Variants in AGMO observed in about 807,000 individuals in gnomAD.
AGMO encodes alkylglycerol monooxygenase, also known as glyceryl-ether monooxygenase.
In AGMO, 75 loss-of-function variants were observed where a neutral mutation model predicts 60.2. That is an observed-to-expected ratio of 1.25 (90% CI 1.03 to 1.51). The LOEUF (loss-of-function observed/expected upper bound fraction) is 1.51. AGMO is among the 40% of genes most tolerant of loss of function. AGMO has a pLI of 0.00. For missense variants in AGMO, 763 were observed against 525.5 expected (o/e 1.45, Z -4.42); for synonymous variants, 261 against 177.1 (o/e 1.47, Z -3.76).
At chr7:15,500,218 GA>G (rs1783345300) in intron 3 of AGMO, among the ~76,000 whole-genome samples, 1 of 151,792 alleles carries the variant, frequency 6.6e-6, no homozygotes, top group Non-Finnish European at 1.5e-5. Context: ...ACATACTAGA[GA>G]AGTCTTATTT....
intron 12 of AGMO, among the ~76,000 whole-genome samples, chr7:15,355,446 T>A (rs1782490987): frequency 7.7e-6 from 1 of 130,120 alleles, no homozygotes; most frequent in Non-Finnish European, 1.5e-5. Flanking sequence ...GAGCTTGCAG[T>A]GAGCCCAGAT....
chr7:15,312,542 G>T (rs1780797416), intron 12 of AGMO, among the ~76,000 whole-genome samples: 1 of 150,950 alleles, frequency 6.6e-6, no homozygotes. Context: ...CATGGCGGGG[G>T]CGGTGGGGGG....
At chr7:15,315,419 C>A (rs1220385643) in intron 12 of AGMO, among the ~76,000 whole-genome samples, 4 of 128,976 alleles carry the variant, frequency 3.1e-5, no homozygotes, top group Non-Finnish European at 6.3e-5. Flanking sequence ...CTAACTGCAA[C>A]CTCCGATTCC....
chr7:15,358,793 T>A (rs1412347744), intron 12 of AGMO, among the ~76,000 whole-genome samples: 4 of 152,094 alleles, frequency 2.6e-5, no homozygotes, highest in Non-Finnish European at 5.9e-5. Context: ...CCTCTCTGAG[T>A]TTTAGGTCTG....
intron 12 of AGMO, among the ~76,000 whole-genome samples, chr7:15,356,592 T>C (rs1782538227): frequency 6.6e-6 from 1 of 152,050 alleles, no homozygotes; most frequent in Non-Finnish European, 1.5e-5. Flanking sequence ...AACTGTTCTA[T>C]CTGTGGAAAT....
intron 12 of AGMO, among the ~76,000 whole-genome samples, chr7:15,232,850 C>G (rs893908573): frequency 6.8e-6 from 1 of 147,260 alleles, no homozygotes; most frequent in Non-Finnish European, 1.5e-5. Flanking sequence ...AAAACTCCAT[C>G]TGGTTTAAGC....
At chr7:15,389,418 G>T (rs976850284) in intron 8 of AGMO, among the ~76,000 whole-genome samples, 5 of 152,088 alleles carry the variant, frequency 3.3e-5, no homozygotes, top group Admixed American at 1.3e-4. Flanking sequence ...TATTAAGAAA[G>T]GATCCAAAAT....
chr7:15,381,730 A>G (rs1221227878), intron 10 of AGMO, among the ~76,000 whole-genome samples: 7 of 152,194 alleles, frequency 4.6e-5, no homozygotes, highest in Non-Finnish European at 7.3e-5. Context: ...ACATATGTTC[A>G]CTGAAACACT....
At chr7:15,408,970 AAGAAG>A (rs148187391) in intron 5 of AGMO, among the ~76,000 whole-genome samples, 6,314 of 151,896 alleles carry the variant, frequency 0.042, 150 homozygotes, top group Admixed American at 0.049. Context: ...AAAATATGAA[AAGAAG>A]AGAAAATGCA....
intron 3 of AGMO, among the ~76,000 whole-genome samples, chr7:15,488,576 A>C (rs1177765678): frequency 1.3e-5 from 2 of 152,166 alleles, no homozygotes; most frequent in Non-Finnish European, 2.9e-5. Context: ...ATAGGGAATT[A>C]TTGGGCTTTG....
At chr7:15,370,164 C>G (rs1377848810) in intron 10 of AGMO, among the ~76,000 whole-genome samples, 1 of 152,130 alleles carries the variant, frequency 6.6e-6, no homozygotes, top group Non-Finnish European at 1.5e-5. Flanking sequence ...ATTTGGTTTT[C>G]TGCTCCTGCA....
At chr7:15,392,351 G>T (rs1444027070) in intron 6 of AGMO, among the ~76,000 whole-genome samples, 1 of 152,052 alleles carries the variant, frequency 6.6e-6, no homozygotes, top group Non-Finnish European at 1.5e-5. Flanking sequence ...GATTACAGGC[G>T]TGAGTCAACA....
At chr7:15,467,466 C>G (rs1782324517) in intron 3 of AGMO, among the ~76,000 whole-genome samples, 1 of 152,140 alleles carries the variant, frequency 6.6e-6, no homozygotes, top group Non-Finnish European at 1.5e-5. Flanking sequence ...CCTAATTAAC[C>G]TTGTTTCAAC....
intron 3 of AGMO, among the ~76,000 whole-genome samples, chr7:15,540,903 A>T (rs1363717572): frequency 6.6e-6 from 1 of 152,196 alleles, no homozygotes; most frequent in Non-Finnish European, 1.5e-5. Context: ...ATGAATTTTT[A>T]CAAATATACG....
At chr7:15,548,965 C>T (rs1375183086) in intron 2 of AGMO, among the ~76,000 whole-genome samples, 2 of 150,564 alleles carry the variant, frequency 1.3e-5, no homozygotes, top group South Asian at 4.2e-4. Context: ...AACAGCGGAT[C>T]TCTCGGCAGA....
At chr7:15,324,864 T>G (rs1432942341) in intron 12 of AGMO, among the ~76,000 whole-genome samples, 1 of 152,100 alleles carries the variant, frequency 6.6e-6, no homozygotes, top group African/African-American at 2.4e-5. Context: ...GTAATGCTTA[T>G]TTGCCTGCTG....
intron 12 of AGMO, among the ~76,000 whole-genome samples, chr7:15,237,731 C>T (rs73279611): frequency 0.022 from 3,331 of 152,140 alleles, 115 homozygotes; most frequent in African/African-American, 0.076. Flanking sequence ...CCAACACAGT[C>T]TTAACGTTCA....
intron 12 of AGMO, among the ~76,000 whole-genome samples, chr7:15,311,752 C>A (rs916380692): frequency 6.6e-6 from 1 of 152,080 alleles, no homozygotes; most frequent in South Asian, 2.1e-4. Flanking sequence ...TGAGAACACA[C>A]ACAAACAGTG....
At chr7:15,532,669 T>C (rs531298981) in intron 3 of AGMO, among the ~76,000 whole-genome samples, 3 of 151,648 alleles carry the variant, frequency 2.0e-5, no homozygotes, top group Non-Finnish European at 4.4e-5. Flanking sequence ...ATTTGAAAAA[T>C]AGCAAGAGAG....
Sources: gnomAD v4.1 joint callset for allele counts (sites outside exome capture counted in the v4.1 genomes callset) on GRCh38, gnomAD v4.1.1 for gene constraint, MANE v1.5 for transcripts, NCBI Gene and HGNC (gene_info 2026-07-23, HGNC 2026-07-21) for gene names.